The following ATAD5 variants were observed in gnomAD, a reference collection of about 807,000 sequenced individuals.
The protein encoded by ATAD5 is ATPase family AAA domain containing 5, also known as ATPase family AAA domain-containing protein 5.
A neutral mutation model predicts 176.9 loss-of-function variants in ATAD5; 58 were observed. The observed-to-expected ratio is 0.33, with a 90% CI of 0.27 to 0.41. ATAD5 has a LOEUF of 0.41. ATAD5 is among the 10% of genes least tolerant of loss of function. The pLI, the probability that ATAD5 is intolerant of heterozygous loss-of-function variation, is 1.00. For synonymous variants in ATAD5, 640 were observed against 712.6 expected, an observed-to-expected ratio of 0.90 and a Z score of 1.62; for missense variants, 1,789 against 2,094.1, an observed-to-expected ratio of 0.85 and a Z score of 2.84.
intron 16 of ATAD5, 65 bp downstream of exon 16, chr17:30,877,614 A>G: frequency 6.9e-7 from 1 of 1,456,892 alleles, no homozygotes; most frequent in East Asian, 2.3e-5. Context: ...AGAATACTGT[A>G]TGTTTTCTTA....
rs1396527601 is a variant in ATAD5 at position 30,893,296 on chromosome 17, C to A, written c.4443C>A (p.His1481Gln). 4.5e-6 allele frequency: 7 copies of A among 1,563,452 alleles called. No individual in the cohort carries two copies. The highest frequency in any genetic ancestry group is 1.4e-5 in the African/African-American group (1 of 72,544). The change falls in exon 21 of 23, where the codon CAC (histidine) becomes CAA (glutamine). Residue 1481 changes from histidine to glutamine, a missense_variant and splice_region_variant. Around this residue, in one of 6 missense-constraint regions of ATAD5, gnomAD observed 403 missense variants for 495.1 expected, o/e 0.81. Coordinates refer to ENST00000321990, the MANE Select transcript of ATAD5 (RefSeq NM_024857.5). ...CTTTACTCAAAATTGTTTTTCAGCACAAAATCACAATGAAGGAAGAATGGC... is the reference window on the plus strand; with the variant it reads ...CTTTACTCAAAATTGTTTTTCAGCAAAAAATCACAATGAAGGAAGAATGGC... The part of the protein sequence containing the change: ...PSEDLFSFLK[H>Q]KITMKEEWHK...
chr17:30,864,414 C>G (rs1303154432), intron 10 of ATAD5: 1 of 152,226 alleles, frequency 6.6e-6, no homozygotes, highest in African/African-American at 2.4e-5. Flanking sequence ...TTCCATGATG[C>G]TGAGATTTGG....
Position 30,887,305 on chromosome 17 carries a change from C to G in ATAD5, c.4191C>G (p.Ile1397Met). ...TANTCDIRKS[I>M]LYLQFWIRSG... ...ATACTTGTGATATCAGAAAAAGTAT[C>G]CTTTACTTACAATTCTGGATTAGAA... is the stretch of plus-strand genomic sequence containing the variant. The change falls in exon 19 of 23, where the codon ATC becomes ATG. Residue 1397 changes from isoleucine (I) to methionine (M), a missense_variant. Physicochemically the swap from Ile to Met is conservative, Grantham distance 10. Transcript: ENST00000321990. 6.2e-7 allele frequency: 1 copy of G among 1,607,392 alleles called. No homozygotes were observed. The highest frequency in any genetic ancestry group is 8.5e-7 in the Non-Finnish European group (1 of 1,177,338).
At chr17:30,845,852 C>A (rs933838893) in intron 6 of ATAD5, among the ~76,000 whole-genome samples, 4 of 151,944 alleles carry the variant, frequency 2.6e-5, no homozygotes, top group Non-Finnish European at 4.4e-5. Context: ...ATTAAAAATC[C>A]CTCGATGATT....
At position 30,834,861 on chromosome 17, in the gene ATAD5, T is replaced by C. The variant is rs753364681; in HGVS notation, c.780T>C (p.Asp260=). 1.2e-6 allele frequency: 2 copies of C among 1,613,280 alleles called. No individual in the cohort carries two copies. The highest frequency in any genetic ancestry group is 2.7e-5 in the African/African-American group (2 of 74,902). ...TAACTGAAGCAGCCCAGTTAAATGA[T>C]AGTATAATAACTGTCTCATATGAGG... ...DNVTEAAQLN[D]SIITVSYEEF... Residue 260 remains aspartate (D), a synonymous_variant, in exon 2 of 23, where the codon GAT becomes GAC. Transcript: ENST00000321990.
intron 8 of ATAD5, among the ~76,000 whole-genome samples, chr17:30,857,649 A>G (rs1169262032): frequency 6.6e-6 from 1 of 152,196 alleles, no homozygotes; most frequent in East Asian, 1.9e-4. Flanking sequence ...TAGATACTTT[A>G]TAAGTAGGTC....
At chr17:30,885,947 G>A (rs1909301360) in intron 18 of ATAD5, among the ~76,000 whole-genome samples, 1 of 151,986 alleles carries the variant, frequency 6.6e-6, no homozygotes, top group South Asian at 2.1e-4. Flanking sequence ...TTTATCAAGA[G>A]TAGGTGTTGG....
Position 30,895,155 on chromosome 17 carries a change from T to C in ATAD5, c.*242T>C, listed in dbSNP as rs1271481607. 3.1e-6 allele frequency: 1 copy of C among 319,138 alleles called. No individual in the cohort carries two copies. Among genetic ancestry groups the C allele is most frequent in the African/African-American group, 2.2e-5 (1 of 45,838 alleles). The allele number at this position is 319,138 out of a possible 1,614,324, so 19.8% of individuals were successfully genotyped here. On this transcript the variant is annotated 3_prime_UTR_variant, in exon 23 of 23. Coordinates refer to ENST00000321990, the MANE Select transcript of ATAD5 (RefSeq NM_024857.5). The stretch of plus-strand genomic sequence containing the variant: ...TTTAGCTTTGTTGGAGTATTTTTTG[T>C]ATGTGAGTGAACTGTTTCTGGAAGG...
intron 7 of ATAD5, among the ~76,000 whole-genome samples, chr17:30,856,531 C>T (rs1907300662): frequency 6.6e-6 from 1 of 152,144 alleles, no homozygotes; most frequent in African/African-American, 2.4e-5. Context: ...TCACTGCAAC[C>T]TCTGTCTCCT....
In ATAD5 at chr17:30,832,384, C is replaced by G. The variant is rs535357020; in HGVS notation, c.37C>G (p.Pro13Ala). Reference protein sequence around the residue: ...GVLAMAAAAAPPPVKDCEIEP... With the variant: ...GVLAMAAAAAAPPVKDCEIEP... ...CCTGGCCATGGCGGCTGCAGCTGCT[C>G]CGCCTCCCGTGAAGGACTGCGAGAT... Residue 13 changes from proline to alanine, a missense_variant, in exon 1 of 23, where the codon CCG (proline) becomes GCG (alanine). By Grantham distance (27) the Pro-to-Ala change is conservative (BLOSUM62 -1). Transcript: ENST00000321990. The G allele has an allele frequency of 2.6e-5, 40 of 1,563,098 alleles. No homozygotes were observed. In the East Asian group the frequency reaches 2.8e-4, roughly 11 times the overall value.
chr17:30,865,668 G>C, intron 10 of ATAD5, 36 bp from the exon 11 acceptor site: 2 of 1,311,912 alleles, frequency 1.5e-6, no homozygotes, highest in Non-Finnish European at 2.1e-6. Flanking sequence ...TTATGTCAAG[G>C]AATGAATACC....
intron 18 of ATAD5, among the ~76,000 whole-genome samples, chr17:30,886,766 A>G (rs911202094): frequency 3.3e-5 from 5 of 152,092 alleles, no homozygotes; most frequent in African/African-American, 1.2e-4. Flanking sequence ...AAAATTAATT[A>G]GCTTTATGCA....
chr17:30,881,456 C>T (rs560427510), intron 18 of ATAD5, among the ~76,000 whole-genome samples: 56 of 152,264 alleles, frequency 3.7e-4, no homozygotes, highest in African/African-American at 1.3e-3. Flanking sequence ...CACACCACCA[C>T]GCCTGGCTTA....
chr17:30,851,028 G>A (rs1906928791), intron 6 of ATAD5, among the ~76,000 whole-genome samples: 1 of 144,340 alleles, frequency 6.9e-6, no homozygotes, highest in Admixed American at 6.9e-5. Context: ...GGGATTACAG[G>A]GGTGTGCCAC....
rs1909542702 is a variant in ATAD5, at chr17:30,890,004, CCT to C, written c.4259-2602_4259-2601del. Among the ~76,000 whole-genome samples, 4 of 151,418 alleles carry C rather than the reference CCT, an allele frequency of 2.6e-5. No individual in the cohort carries two copies. The South Asian group carries it at 8.3e-4, about 32-fold the overall frequency. On this transcript the variant is annotated intron_variant, in intron 19 of 22. Coordinates refer to ENST00000321990, the MANE Select transcript of ATAD5 (RefSeq NM_024857.5). Reference sequence around the variant, plus strand: ...CTCCTGGACTCGAGCCGTCTTCCGCCCTGAGCCTCCTGAGTAGCTGGAACCAC... The same window carrying C: ...CTCCTGGACTCGAGCCGTCTTCCGCCGAGCCTCCTGAGTAGCTGGAACCAC...
intron 14 of ATAD5, 58 bp downstream of exon 14, chr17:30,869,704 G>A (rs2142398780): frequency 6.6e-7 from 1 of 1,514,936 alleles, no homozygotes; most frequent in Non-Finnish European, 8.9e-7. Context: ...ATCTAAGAAA[G>A]TAATGTTAAT....
intron 14 of ATAD5, 58 bp downstream of exon 14, chr17:30,869,704 GT>G (rs1908228445): frequency 6.6e-7 from 1 of 1,514,936 alleles, no homozygotes; most frequent in Non-Finnish European, 8.9e-7. Flanking sequence ...ATCTAAGAAA[GT>G]AATGTTAATT....
chr17:30,833,420 T>C (rs2142295445), intron 1 of ATAD5, among the ~76,000 whole-genome samples: 1 of 152,342 alleles, frequency 6.6e-6, no homozygotes, highest in Middle Eastern at 3.4e-3. Flanking sequence ...TTAAACACAT[T>C]ATTTTGCTTA....
At chr17:30,841,381 CA>C (rs1344908263) in intron 4 of ATAD5, among the ~76,000 whole-genome samples, 1 of 152,150 alleles carries the variant, frequency 6.6e-6, no homozygotes, top group Non-Finnish European at 1.5e-5. Flanking sequence ...TTATTGTTAT[CA>C]GCTTGAAATA....
Sources: allele counts gnomAD v4.1 joint callset (sites outside exome capture counted in the v4.1 genomes callset), GRCh38; gene constraint gnomAD v4.1.1; regional missense constraint gnomAD v4.1.1; transcripts MANE v1.5; gene names NCBI Gene and HGNC (gene_info 2026-07-23, HGNC 2026-07-21).